TNN: variants seen among roughly 807,000 people sequenced by gnomAD.
TNN encodes tenascin N.
A neutral mutation model predicts 134.4 loss-of-function variants in TNN; 122 were observed. The observed-to-expected ratio is 0.91, with a 90% confidence interval of 0.78 to 1.06. The LOEUF is 1.06. Among genes scored for constraint, TNN ranks in the 50% least tolerant of loss-of-function variants. TNN has a pLI of 0.00. For synonymous variants in TNN, 710 were observed against 670.3 expected, an observed-to-expected ratio of 1.06 and a Z score of -0.91; for missense variants, 1,739 against 1,699.4, an observed-to-expected ratio of 1.02 and a Z score of -0.41.
At chr1:175,078,247 G>A (rs1674102709) in intron 2 of TNN, among the ~76,000 whole-genome samples, 1 of 152,120 alleles carries the variant, frequency 6.6e-6, no homozygotes, top group Non-Finnish European at 1.5e-5. Flanking sequence ...AATCCCTTAT[G>A]TTTCCTCAAC....
intron 1 of TNN, among the ~76,000 whole-genome samples, chr1:175,071,783 C>A (rs1246388458): frequency 6.6e-6 from 1 of 152,134 alleles, no homozygotes; most frequent in East Asian, 1.9e-4. Context: ...TCAACTGACT[C>A]CCAGGACTTT....
intron 7 of TNN, among the ~76,000 whole-genome samples, chr1:175,096,519 C>T (rs992412677): frequency 7.9e-5 from 12 of 152,136 alleles, no homozygotes; most frequent in African/African-American, 2.9e-4. Flanking sequence ...GTATGAAATG[C>T]AGGTGCTGTC....
chr1:175,083,287 G>C (rs1313552956), intron 4 of TNN, among the ~76,000 whole-genome samples: 3 of 152,224 alleles, frequency 2.0e-5, no homozygotes. Context: ...TGTTGTCCTT[G>C]AGAAAGTTTG....
intron 9 of TNN, among the ~76,000 whole-genome samples, chr1:175,102,123 T>C (rs992127160): frequency 3.4e-5 from 5 of 145,348 alleles, no homozygotes; most frequent in Non-Finnish European, 7.6e-5. Context: ...TGTTGATTGG[T>C]GCACTCACAA....
At chr1:175,070,843 C>A (rs1254075508) in intron 1 of TNN, among the ~76,000 whole-genome samples, 4 of 152,160 alleles carry the variant, frequency 2.6e-5, no homozygotes, top group African/African-American at 9.7e-5. Flanking sequence ...CAGCTGAGAA[C>A]TTGCTGTCCT....
Position 175,077,382 on chromosome 1 carries a change from A to C in TNN, c.-35-2A>C. The C allele has an allele frequency of 2.5e-6, 4 of 1,569,794 alleles. No individual in the cohort carries two copies. Among genetic ancestry groups the C allele is most frequent in the Non-Finnish European group, 3.5e-6 (4 of 1,157,414 alleles). Reference sequence around the variant, plus strand: ...TTTCTTTTGCAATGTTTCTGAATACAGGCATCCTGGAGGGTCTGCTCCCTG... The same window carrying C: ...TTTCTTTTGCAATGTTTCTGAATACCGGCATCCTGGAGGGTCTGCTCCCTG... On this transcript the variant is annotated splice_acceptor_variant, in intron 1 of 18. Coordinates refer to ENST00000239462, the MANE Select transcript of TNN (RefSeq NM_022093.2). LOFTEE classifies it low-confidence loss of function (5UTR_SPLICE).
intron 9 of TNN, among the ~76,000 whole-genome samples, chr1:175,109,417 C>A (rs1162949444): frequency 1.3e-5 from 2 of 151,982 alleles, no homozygotes; most frequent in African/African-American, 4.8e-5. Context: ...ACCCTTAAGC[C>A]AACCTGTGTT....
intron 18 of TNN, 141 bp from the exon 19 acceptor site, chr1:175,146,790 C>T (rs1676079869): frequency 1.3e-6 from 1 of 790,234 alleles, no homozygotes; most frequent in African/African-American, 1.8e-5. Context: ...TCTCATCACC[C>T]CGTCTCTTTC....
rs766645521 is a variant in TNN at position 175,079,378 on chromosome 1, C to A, written c.455C>A (p.Thr152Asn). 1.3e-6 allele frequency: 2 copies of A among 1,598,002 alleles called. No homozygotes were observed. Among genetic ancestry groups the A allele is most frequent in the Non-Finnish European group, 1.7e-6 (2 of 1,176,606 alleles). The change falls in exon 3 of 19, where the codon ACC becomes AAC. Residue 152 changes from threonine (T) to asparagine (N), a missense_variant. Transcript: ENST00000239462. ...GGCCACGGGACCTTCTCCCTGGAGA[C>A]CTGCAGCTGCCACTGCGAAGAGGGC... The part of the protein sequence containing the change: ...CSGHGTFSLE[T>N]CSCHCEEGRE...
chr1:175,115,431 C>G (rs1371402033), intron 9 of TNN, among the ~76,000 whole-genome samples: 2 of 152,146 alleles, frequency 1.3e-5, no homozygotes, highest in East Asian at 3.9e-4. Flanking sequence ...AGTAATGATT[C>G]TCCACGAAAG....
intron 1 of TNN, among the ~76,000 whole-genome samples, 195 bp from the exon 2 acceptor site, chr1:175,077,189 C>T (rs2149426026): frequency 6.6e-6 from 1 of 152,130 alleles, no homozygotes; most frequent in East Asian, 1.9e-4. Context: ...GAACAGTAAG[C>T]AAAGAGAGGA....
intron 12 of TNN, among the ~76,000 whole-genome samples, chr1:175,124,392 C>G (rs1343867502): frequency 2.6e-5 from 4 of 152,070 alleles, no homozygotes; most frequent in Non-Finnish European, 4.4e-5. Context: ...CAAAACAAAA[C>G]AAAAACGGCC....
chr1:175,137,363 A>AGTGTGT (rs36158819), intron 17 of TNN, among the ~76,000 whole-genome samples: 4 of 62,678 alleles, frequency 6.4e-5, no homozygotes, highest in African/African-American at 1.9e-4. Flanking sequence ...TCTGCACAGT[A>AGTGTGT]GTGTGTGTGT....
chr1:175,084,018 A>G (rs1274623207), intron 5 of TNN, 83 bp downstream of exon 5: 41 of 1,415,428 alleles, frequency 2.9e-5, no homozygotes, highest in Non-Finnish European at 3.8e-5. Flanking sequence ...TGGCATCTGC[A>G]CTGCTCAAGT....
intron 6 of TNN, among the ~76,000 whole-genome samples, chr1:175,090,337 T>G (rs7555464): frequency 0.55 from 83,306 of 151,954 alleles, 23,433 homozygotes; most frequent in African/African-American, 0.69. Flanking sequence ...TTGCCACAAT[T>G]GAAAGACATT....
intron 3 of TNN, 27 bp downstream of exon 3, chr1:175,079,734 C>G: frequency 6.5e-7 from 1 of 1,545,780 alleles, no homozygotes; most frequent in Non-Finnish European, 8.7e-7. Context: ...GCCCTCGGGC[C>G]GCCGGACTCT....
intron 9 of TNN, among the ~76,000 whole-genome samples, chr1:175,111,196 T>C (rs1675014602): frequency 6.6e-6 from 1 of 152,180 alleles, no homozygotes; most frequent in Non-Finnish European, 1.5e-5. Flanking sequence ...CAGGTGCCTG[T>C]AATCCCAGTT....
chr1:175,070,450 A>G (rs1673889485), intron 1 of TNN, among the ~76,000 whole-genome samples: 1 of 152,180 alleles, frequency 6.6e-6, no homozygotes, highest in Non-Finnish European at 1.5e-5. Flanking sequence ...CTCTCCAGGA[A>G]AAGGGTTCTA....
intron 9 of TNN, among the ~76,000 whole-genome samples, chr1:175,100,989 G>C (rs993933271): frequency 6.6e-6 from 1 of 152,126 alleles, no homozygotes; most frequent in Admixed American, 6.5e-5. Context: ...CTCAACATTT[G>C]GCATTTCTTT....
Sources: allele counts gnomAD v4.1 joint callset (sites outside exome capture counted in the v4.1 genomes callset), GRCh38; gene constraint gnomAD v4.1.1; transcripts MANE v1.5; gene names NCBI Gene and HGNC (gene_info 2026-07-23, HGNC 2026-07-21).